The following DNAAF10 variants were observed in gnomAD, a reference collection of about 807,000 sequenced individuals.
DNAAF10 encodes the protein WD repeat domain 92.
A neutral mutation model predicts 43.7 loss-of-function variants in DNAAF10; 28 were observed. The observed-to-expected ratio is 0.64, with a 90% confidence interval of 0.48 to 0.88. The LOEUF (loss-of-function observed/expected upper bound fraction) is 0.88. Among genes scored for constraint, DNAAF10 ranks in the 40% least tolerant of loss-of-function variants. DNAAF10 has a pLI of 0.00. For missense variants in DNAAF10, 403 were observed against 439.1 expected (o/e 0.92, Z 0.73); for synonymous variants, 156 against 157.3 (o/e 0.99, Z 0.06).
At position 68,131,387 on chromosome 2, in the gene DNAAF10, C is replaced by T. The variant is rs1407235629; in HGVS notation, c.925G>A (p.Gly309Ser). ...DSEGIEMGVAGSVSLLQNVTL... is the reference protein window; with the variant it reads ...DSEGIEMGVASSVSLLQNVTL... ...ACATTCTGCAGAAGGCTTACAGAAC[C>T]TGCGACTCCCATTTCTATTCCCTCA... The change falls in exon 8 of 8, where the codon GGT becomes AGT. Residue 309 changes from glycine (G) to serine (S), a missense_variant. Coordinates refer to ENST00000295121, the MANE Select transcript of DNAAF10 (RefSeq NM_138458.4). The T allele has an allele frequency of 6.2e-7, 1 of 1,614,094 alleles. No individual in the cohort carries two copies. The highest frequency in any genetic ancestry group is 8.5e-7 in the Non-Finnish European group (1 of 1,180,040).
rs571480253 is a variant in DNAAF10 at position 68,144,801 on chromosome 2, A to AT, written c.285-87dup. The stretch of plus-strand genomic sequence containing the variant: ...ATTCAAAAAGATATATTATAGTTAG[A>AT]TTTTTTCTGTATAGAAATTAAGGTT... On this transcript the variant is annotated intron_variant, in intron 2 of 7. Coordinates refer to ENST00000295121, the MANE Select transcript of DNAAF10 (RefSeq NM_138458.4). 3.0e-4 allele frequency: 435 copies of AT among 1,463,074 alleles called. No homozygotes were observed. The African/African-American group carries it at 5.8e-3, about 20-fold the overall frequency. 90.6% of individuals were successfully genotyped at this position (1,463,074 alleles called of 1,614,324 possible). A position where few individuals can be genotyped will look rare whatever the true frequency, so the allele number is the denominator to read the frequency against.
chr2:68,153,644 A>G (rs1320702914), intron 1 of DNAAF10, among the ~76,000 whole-genome samples: 6 of 152,076 alleles, frequency 3.9e-5, no homozygotes, highest in African/African-American at 1.4e-4. Context: ...ATGCACTCAA[A>G]TGATCCTGAT....
chr2:68,152,822 G>T (rs1048632888), intron 1 of DNAAF10, among the ~76,000 whole-genome samples: 1 of 152,150 alleles, frequency 6.6e-6, no homozygotes, highest in Admixed American at 6.5e-5. Context: ...AGCTATTTTT[G>T]TTCTGCATGT....
intron 7 of DNAAF10, chr2:68,131,904 A>T (rs1672937249): frequency 5.7e-6 from 1 of 176,504 alleles, no homozygotes; most frequent in Admixed American, 5.4e-5. Context: ...TGAAAAACTG[A>T]TGCCAGCTTC....
intron 1 of DNAAF10, among the ~76,000 whole-genome samples, chr2:68,153,345 T>TAAAAA (rs775794947): frequency 7.2e-4 from 71 of 98,598 alleles, no homozygotes; most frequent in Non-Finnish European, 1.0e-3. Context: ...AGTGATAAAT[T>TAAAAA]AAAAAAAAAA....
chr2:68,146,703 A>C (rs773681631), intron 2 of DNAAF10, among the ~76,000 whole-genome samples: 22 of 152,172 alleles, frequency 1.4e-4, no homozygotes, highest in Non-Finnish European at 2.8e-4. Flanking sequence ...ATTCTAAGAC[A>C]GATAAATATG....
At chr2:68,152,626 CA>C (rs530522981) in intron 1 of DNAAF10, among the ~76,000 whole-genome samples, 153 of 140,774 alleles carry the variant, frequency 1.1e-3, no homozygotes, top group Non-Finnish European at 1.2e-3. Context: ...AACTAGCTGG[CA>C]AAAAAAAAAG....
chr2:68,145,022 C>T (rs12463718), intron 2 of DNAAF10, among the ~76,000 whole-genome samples: 43,843 of 151,904 alleles, frequency 0.29, 7,347 homozygotes, highest in South Asian at 0.52. Flanking sequence ...TGTTGATAAA[C>T]GTGGACTCAT....
rs1182800801 is a variant in DNAAF10, at chr2:68,130,518, A to G, written c.*720T>C. On this transcript the variant is annotated 3_prime_UTR_variant, in exon 8 of 8. Coordinates refer to ENST00000295121, the MANE Select transcript of DNAAF10 (RefSeq NM_138458.4). ...AAAATGTATTTATGAAGGTTAATTCAGTTTTTCCAAGGCAAACTCTTTTAA... is the reference window on the plus strand; with the variant it reads ...AAAATGTATTTATGAAGGTTAATTCGGTTTTTCCAAGGCAAACTCTTTTAA... 1.3e-5 allele frequency: 2 copies of G among 152,530 alleles called. No individual in the cohort carries two copies. The highest frequency in any genetic ancestry group is 4.8e-5 in the African/African-American group (2 of 41,450). The allele number at this position is 152,530 out of a possible 1,614,324, so 9.4% of individuals were successfully genotyped here.
At chr2:68,143,717 T>G (rs1673247493) in intron 3 of DNAAF10, among the ~76,000 whole-genome samples, 1 of 152,088 alleles carries the variant, frequency 6.6e-6, no homozygotes, top group Non-Finnish European at 1.5e-5. Context: ...ATAAAAAAAG[T>G]TTCTAAGATA....
intron 2 of DNAAF10, among the ~76,000 whole-genome samples, chr2:68,146,616 T>C (rs1673323704): frequency 1.3e-5 from 2 of 152,186 alleles, no homozygotes; most frequent in South Asian, 2.1e-4. Context: ...TAAGAACTAA[T>C]GAATACATGC....
chr2:68,146,965 G>A (rs1673332363), intron 2 of DNAAF10, among the ~76,000 whole-genome samples: 1 of 152,088 alleles, frequency 6.6e-6, no homozygotes, highest in Non-Finnish European at 1.5e-5. Flanking sequence ...AAGGCATTTG[G>A]CAGAATTGTG....
chr2:68,148,458 T>C (rs1358509824), intron 1 of DNAAF10, among the ~76,000 whole-genome samples: 2 of 152,208 alleles, frequency 1.3e-5, no homozygotes, highest in African/African-American at 4.8e-5. Flanking sequence ...ATATACATAT[T>C]CGTTATACTA....
chr2:68,149,316 C>G (rs1673398885), intron 1 of DNAAF10, among the ~76,000 whole-genome samples: 1 of 152,128 alleles, frequency 6.6e-6, no homozygotes, highest in Admixed American at 6.5e-5. Context: ...ATTGGAGTTA[C>G]TACGTGGCCA....
chr2:68,142,332 C>A (rs1171859098), intron 3 of DNAAF10, among the ~76,000 whole-genome samples: 1 of 152,210 alleles, frequency 6.6e-6, no homozygotes, highest in Non-Finnish European at 1.5e-5. Flanking sequence ...TCTTGGCTCA[C>A]TGCAACCTCC....
intron 7 of DNAAF10, among the ~76,000 whole-genome samples, chr2:68,132,558 T>C (rs1180150520): frequency 6.6e-6 from 1 of 151,302 alleles, no homozygotes; most frequent in East Asian, 1.9e-4. Context: ...ATGATTCAAA[T>C]ACTTGGAAAA....
At chr2:68,138,367 G>A (rs560501431) in intron 5 of DNAAF10, among the ~76,000 whole-genome samples, 2 of 152,290 alleles carry the variant, frequency 1.3e-5, no homozygotes, top group African/African-American at 4.8e-5. Flanking sequence ...TGCTAAAGGT[G>A]CACAACTAAG....
At chr2:68,156,335 T>A (rs1673610633) in intron 1 of DNAAF10, among the ~76,000 whole-genome samples, 2 of 142,132 alleles carry the variant, frequency 1.4e-5, no homozygotes, top group Admixed American at 6.9e-5. Flanking sequence ...ATTCTCTCCA[T>A]AGGTTTTGAT....
intron 4 of DNAAF10, 130 bp downstream of exon 4, chr2:68,141,564 T>G: frequency 1.3e-6 from 1 of 769,788 alleles, no homozygotes; most frequent in Non-Finnish European, 2.0e-6. Flanking sequence ...AACCACCACG[T>G]GTATTTGCCT....
Sources: gnomAD v4.1 joint callset for allele counts (sites outside exome capture counted in the v4.1 genomes callset) on GRCh38, gnomAD v4.1.1 for gene constraint, MANE v1.5 for transcripts, NCBI Gene and HGNC (gene_info 2026-07-23, HGNC 2026-07-21) for gene names.